The following PTPRM variants were observed in gnomAD, a reference collection of about 807,000 sequenced individuals.
PTPRM encodes the protein receptor-type tyrosine-protein phosphatase mu.
Under a neutral mutation model 186.7 loss-of-function variants are expected in PTPRM, and 47 were observed. The ratio of observed to expected loss-of-function variants is 0.25; its 90% CI spans 0.20 to 0.32. PTPRM has a LOEUF of 0.32. Ranked by LOEUF, PTPRM falls within the 10% of genes least tolerant of loss-of-function variation. PTPRM has a pLI of 1.00. For synonymous variants in PTPRM, 668 were observed against 674.9 expected, an observed-to-expected ratio of 0.99 and a Z score of 0.16; for missense variants, 1,494 against 1,865.0, an observed-to-expected ratio of 0.80 and a Z score of 3.66.
intron 19 of PTPRM, among the ~76,000 whole-genome samples, chr18:8,258,306 G>C (rs957492929): frequency 6.6e-6 from 1 of 152,122 alleles, no homozygotes; most frequent in East Asian, 1.9e-4. Context: ...CTTCACTCAC[G>C]AGGGACAGAC....
chr18:7,884,325 A>G (rs756458521), intron 2 of PTPRM, among the ~76,000 whole-genome samples: 2 of 152,100 alleles, frequency 1.3e-5, no homozygotes, highest in Non-Finnish European at 2.9e-5. Context: ...CAATTGGGAG[A>G]CTGTAGAGGA....
At chr18:7,626,201 T>G (rs1399201802) in intron 1 of PTPRM, among the ~76,000 whole-genome samples, 1 of 152,218 alleles carries the variant, frequency 6.6e-6, no homozygotes, top group Non-Finnish European at 1.5e-5. Context: ...TAGGCTTGCT[T>G]TTAAACAAGA....
chr18:7,743,565 C>A (rs2040925441), intron 1 of PTPRM, among the ~76,000 whole-genome samples: 1 of 152,070 alleles, frequency 6.6e-6, no homozygotes, highest in Admixed American at 6.6e-5. Flanking sequence ...CTGCTAAAAC[C>A]TGGTATTTTA....
chr18:7,840,741 T>G (rs962627666), intron 2 of PTPRM, among the ~76,000 whole-genome samples: 1 of 152,222 alleles, frequency 6.6e-6, no homozygotes, highest in African/African-American at 2.4e-5. Context: ...ATAAAAGCCA[T>G]TGGAAACATA....
In PTPRM at chr18:8,394,615, G is replaced by A; in HGVS notation, c.4344+4G>A. 2 of 1,608,672 alleles carry A rather than the reference G, an allele frequency of 1.2e-6. No homozygotes were observed. Among genetic ancestry groups the A allele is most frequent in the Non-Finnish European group, 1.7e-6 (2 of 1,177,230 alleles). On this transcript the variant is annotated splice_donor_region_variant and intron_variant, in intron 32 of 32. Transcript: ENST00000580170. ...GCCCAACATGGTCGACCTCCTGGTA[G>A]GACACCCCCTCTGAGCTGTTCCATG...
At chr18:8,192,643 G>A (rs950180692) in intron 14 of PTPRM, among the ~76,000 whole-genome samples, 7 of 152,110 alleles carry the variant, frequency 4.6e-5, no homozygotes, top group Non-Finnish European at 1.0e-4. Context: ...AAGGATGGGG[G>A]ATGTTTTTCC....
At chr18:7,576,362 A>T (rs2036686474) in intron 1 of PTPRM, among the ~76,000 whole-genome samples, 1 of 152,194 alleles carries the variant, frequency 6.6e-6, no homozygotes, top group East Asian at 1.9e-4. Context: ...AGGCCCCATT[A>T]CTTTTCCCTG....
chr18:8,402,702 G>C (rs1490937222), intron 32 of PTPRM: 2 of 152,142 alleles, frequency 1.3e-5, no homozygotes, highest in Non-Finnish European at 2.9e-5. Context: ...TGACAACGTG[G>C]CCTTTTGGAA....
intron 23 of PTPRM, among the ~76,000 whole-genome samples, chr18:8,368,186 G>T (rs1034934111): frequency 6.6e-6 from 1 of 151,020 alleles, no homozygotes; most frequent in Non-Finnish European, 1.5e-5. Flanking sequence ...ATATACAGAA[G>T]AATCTAGTAT....
At chr18:8,364,352 C>T (rs890748391) in intron 23 of PTPRM, among the ~76,000 whole-genome samples, 3 of 152,072 alleles carry the variant, frequency 2.0e-5, no homozygotes, top group African/African-American at 7.2e-5. Flanking sequence ...AAGACTGAGG[C>T]TCAGGGGGTG....
intron 9 of PTPRM, among the ~76,000 whole-genome samples, chr18:8,082,888 T>A (rs1418271027): frequency 6.6e-6 from 1 of 152,116 alleles, no homozygotes; most frequent in Non-Finnish European, 1.5e-5. Flanking sequence ...TTTCTCCTCA[T>A]ATGTTCCATT....
intron 7 of PTPRM, among the ~76,000 whole-genome samples, chr18:7,997,346 TA>T (rs1322655259): frequency 3.3e-5 from 5 of 152,086 alleles, no homozygotes; most frequent in African/African-American, 1.2e-4. Context: ...TGCAGAATAA[TA>T]AAACTAGACC....
chr18:8,120,916 C>T (rs2092148197), intron 13 of PTPRM, among the ~76,000 whole-genome samples: 1 of 152,158 alleles, frequency 6.6e-6, no homozygotes, highest in Non-Finnish European at 1.5e-5. Flanking sequence ...TATGACCAAA[C>T]AAAAATGTTA....
At chr18:7,817,673 TTGGC>T (rs2044917049) in intron 2 of PTPRM, among the ~76,000 whole-genome samples, 2 of 152,360 alleles carry the variant, frequency 1.3e-5, no homozygotes, top group Non-Finnish European at 2.9e-5. Flanking sequence ...GGGATGAACT[TTGGC>T]TGTTCTGTTT....
intron 1 of PTPRM, among the ~76,000 whole-genome samples, chr18:7,738,960 A>AT (rs577103073): frequency 1.3e-5 from 2 of 151,180 alleles, no homozygotes; most frequent in African/African-American, 2.4e-5. Flanking sequence ...AGTGACCATG[A>AT]TTTTTTTTTG....
intron 7 of PTPRM, among the ~76,000 whole-genome samples, chr18:8,061,586 C>T (rs369926487): frequency 2.0e-3 from 177 of 87,118 alleles, no homozygotes; most frequent in South Asian, 0.016. Flanking sequence ...GATTTTGCAG[C>T]GGCTGGTACC....
At chr18:7,788,484 T>C (rs2043190663) in intron 2 of PTPRM, among the ~76,000 whole-genome samples, 1 of 152,178 alleles carries the variant, frequency 6.6e-6, no homozygotes. Flanking sequence ...TATTAAAACA[T>C]ATATGAGTGA....
chr18:7,721,998 A>T (rs771982331), intron 1 of PTPRM, among the ~76,000 whole-genome samples: 1 of 152,228 alleles, frequency 6.6e-6, no homozygotes, highest in Non-Finnish European at 1.5e-5. Flanking sequence ...TTGAGAGATT[A>T]CTGTTAATGA....
At chr18:7,698,491 T>G (rs2039890866) in intron 1 of PTPRM, among the ~76,000 whole-genome samples, 1 of 152,202 alleles carries the variant, frequency 6.6e-6, no homozygotes, top group Non-Finnish European at 1.5e-5. Context: ...ATGAATAAAA[T>G]TTTCTTGGAT....
Sources: allele counts gnomAD v4.1 joint callset (sites outside exome capture counted in the v4.1 genomes callset), GRCh38; gene constraint gnomAD v4.1.1; transcripts MANE v1.5; gene names NCBI Gene and HGNC (gene_info 2026-07-23, HGNC 2026-07-21).